KIAA1671: variants seen among roughly 807,000 people sequenced by gnomAD.
KIAA1671 encodes the protein uncharacterized protein KIAA1671.
Under a neutral mutation model 131.2 loss-of-function variants are expected in KIAA1671, and 52 were observed. The observed-to-expected ratio is 0.40, with a 90% CI of 0.32 to 0.50. The LOEUF (loss-of-function observed/expected upper bound fraction) is 0.50, where lower values mean the gene tolerates loss of function less well. Ranked by LOEUF, KIAA1671 falls within the 20% of genes least tolerant of loss-of-function variation. The probability of loss-of-function intolerance (pLI) is 0.73; values close to 1 mark genes in which losing one functional copy is unlikely to be tolerated. For missense variants in KIAA1671, 2,360 were observed against 2,364.2 expected, an observed-to-expected ratio of 1.00 and a Z score of 0.04; for synonymous variants, 1,003 against 961.6, an observed-to-expected ratio of 1.04 and a Z score of -0.80.
At chr22:25,177,780 G>A (rs183184191) in intron 9 of KIAA1671, among the ~76,000 whole-genome samples, 1 of 152,156 alleles carries the variant, frequency 6.6e-6, no homozygotes, top group Non-Finnish European at 1.5e-5. Flanking sequence ...CTGCCACCAT[G>A]AGTAATATCC....
At chr22:24,977,851 A>ATT (rs1315501472) in intron 1 of KIAA1671, among the ~76,000 whole-genome samples, 1 of 152,158 alleles carries the variant, frequency 6.6e-6, no homozygotes, top group Non-Finnish European at 1.5e-5. Flanking sequence ...CGTAGTCCTT[A>ATT]TTCCATACTC....
chr22:25,187,031 G>A (rs572054249), intron 11 of KIAA1671, among the ~76,000 whole-genome samples: 2 of 152,176 alleles, frequency 1.3e-5, no homozygotes, highest in African/African-American at 4.8e-5. Flanking sequence ...TGCCCAGGGG[G>A]CCCTCTTCTT....
Position 25,039,361 on chromosome 22 carries a change from A to G in KIAA1671, c.2231A>G (p.His744Arg), listed in dbSNP as rs368039262. The G allele has an allele frequency of 1.1e-4, 170 of 1,551,906 alleles. 4 individuals carry two copies. The East Asian group carries it at 1.6e-3, about 15-fold the overall frequency. ...GTGCATGCAGTGGGAGAGCGTGTGC[A>G]CAGCGAGGCCATCTCACCGGCACCG... ...DIVHAVGERV[H>R]SEAISPAPEE... The change falls in exon 5 of 13, where the codon CAC becomes CGC. Residue 744 changes from histidine to arginine, a missense_variant. This residue lies in a region of KIAA1671 where 1,185 missense variants were observed against 1,126.2 expected (regional missense o/e 1.05). Coordinates refer to ENST00000358431, the MANE Select transcript of KIAA1671 (RefSeq NM_001145206.2).
chr22:24,997,701 C>T (rs907241933), intron 1 of KIAA1671, among the ~76,000 whole-genome samples: 3 of 151,980 alleles, frequency 2.0e-5, no homozygotes, highest in East Asian at 1.9e-4. Context: ...GGAGGCCACT[C>T]GAAGTTTGGG....
At chr22:25,067,768 T>C (rs978675930) in intron 6 of KIAA1671, among the ~76,000 whole-genome samples, 1 of 152,220 alleles carries the variant, frequency 6.6e-6, no homozygotes, top group African/African-American at 2.4e-5. Context: ...GCAGCCTCCA[T>C]GCTGACTGTG....
intron 1 of KIAA1671, among the ~76,000 whole-genome samples, chr22:24,960,502 G>A (rs1464158622): frequency 2.7e-5 from 4 of 146,200 alleles, no homozygotes; most frequent in South Asian, 4.3e-4. Flanking sequence ...AGCTGAGATC[G>A]CGCCACTGCA....
chr22:25,093,125 G>A (rs1930102628), intron 6 of KIAA1671, among the ~76,000 whole-genome samples: 1 of 152,194 alleles, frequency 6.6e-6, no homozygotes, highest in South Asian at 2.1e-4. Context: ...TCTAGGCAGT[G>A]TCTCACACAA....
intron 6 of KIAA1671, among the ~76,000 whole-genome samples, chr22:25,087,559 G>A (rs928157766): frequency 9.9e-5 from 15 of 152,190 alleles, no homozygotes; most frequent in African/African-American, 3.1e-4. Context: ...CTCCTGCCTG[G>A]TAGACAGAGC....
intron 6 of KIAA1671, among the ~76,000 whole-genome samples, chr22:25,140,751 T>TGG (rs1455998265): frequency 6.6e-6 from 1 of 152,182 alleles, no homozygotes; most frequent in African/African-American, 2.4e-5. Context: ...GTGAGGGCAT[T>TGG]GGGACTTATT....
chr22:25,183,141 C>T (rs985208550), intron 10 of KIAA1671, among the ~76,000 whole-genome samples: 4 of 152,164 alleles, frequency 2.6e-5, no homozygotes, highest in Admixed American at 6.5e-5. Context: ...GGTAGCTCTT[C>T]GTTCCCCTTT....
intron 6 of KIAA1671, among the ~76,000 whole-genome samples, chr22:25,142,182 C>T (rs116702775): frequency 6.6e-6 from 1 of 152,282 alleles, no homozygotes; most frequent in African/African-American, 2.4e-5. Context: ...GGGTTGGGGG[C>T]ACTGTGTACT....
intron 1 of KIAA1671, among the ~76,000 whole-genome samples, chr22:25,017,177 G>A (rs1925374041): frequency 6.6e-6 from 1 of 152,180 alleles, no homozygotes; most frequent in African/African-American, 2.4e-5. Context: ...GAGGTCAGGA[G>A]TTCAAGACCA....
intron 6 of KIAA1671, among the ~76,000 whole-genome samples, chr22:25,086,800 C>T (rs575639409): frequency 6.6e-6 from 1 of 152,206 alleles, no homozygotes; most frequent in African/African-American, 2.4e-5. Flanking sequence ...ATCCCAGCGC[C>T]GTCTGGCTGT....
chr22:25,161,180 A>G (rs1301916389), intron 6 of KIAA1671, among the ~76,000 whole-genome samples: 2 of 151,676 alleles, frequency 1.3e-5, no homozygotes, highest in Admixed American at 6.6e-5. Context: ...AGCACTTACT[A>G]TGTGCCAGGT....
At chr22:25,099,775 G>A (rs2005975) in intron 6 of KIAA1671, among the ~76,000 whole-genome samples, 143,631 of 152,054 alleles carry the variant, frequency 0.94, 67,941 homozygotes, top group East Asian at 1. Flanking sequence ...GGCCTCCCGA[G>A]GTACTGGTAT....
intron 6 of KIAA1671, among the ~76,000 whole-genome samples, chr22:25,082,055 C>T (rs1051268773): frequency 6.6e-6 from 1 of 152,060 alleles, no homozygotes; most frequent in African/African-American, 2.4e-5. Context: ...GCCCTCTACC[C>T]GCACTGTTTG....
chr22:25,125,465 T>C (rs1023599777), intron 6 of KIAA1671, among the ~76,000 whole-genome samples: 5 of 152,234 alleles, frequency 3.3e-5, no homozygotes, highest in African/African-American at 1.2e-4. Context: ...CCAGGTCTGC[T>C]GACGTCTCAT....
chr22:25,178,801 A>G (rs1451182010), intron 9 of KIAA1671, among the ~76,000 whole-genome samples: 2 of 151,632 alleles, frequency 1.3e-5, no homozygotes, highest in Admixed American at 1.3e-4. Flanking sequence ...CCAGTTCAAC[A>G]AGCTCCGGCT....
Position 25,196,965 on chromosome 22 carries a change from G to GACAC in KIAA1671, c.*4576_*4579dup. On this transcript the variant is annotated 3_prime_UTR_variant, in exon 13 of 13. Transcript: ENST00000358431. ...ATATATATATACACACACACACAGAGACACACACACACACAAGTATAGTAT... is the reference window on the plus strand; with the variant it reads ...ATATATATATACACACACACACAGAGACACACACACACACACACAAGTATAGTAT... 1 of 151,666 alleles carries GACAC rather than the reference G, an allele frequency of 6.6e-6. No homozygotes were observed. Among genetic ancestry groups the GACAC allele is most frequent in the South Asian group, 2.1e-4 (1 of 4,780 alleles). The allele number at this position is 151,666 out of a possible 1,614,324, so 9.4% of individuals were successfully genotyped here.
Sources: gnomAD v4.1 joint callset for allele counts (sites outside exome capture counted in the v4.1 genomes callset) on GRCh38, gnomAD v4.1.1 for gene constraint, gnomAD v4.1.1 regional missense constraint, MANE v1.5 for transcripts, NCBI Gene and HGNC (gene_info 2026-07-23, HGNC 2026-07-21) for gene names.